Variants in RBFOX2 observed in about 807,000 individuals in gnomAD.
The protein encoded by RBFOX2 is RNA binding fox-1 homolog 2, also known as RNA binding protein fox-1 homolog 2.
In RBFOX2, 10 loss-of-function variants were observed where a neutral mutation model predicts 49.1. The observed-to-expected ratio is 0.20, with a 90% CI of 0.13 to 0.35. The LOEUF is 0.35. RBFOX2 is among the 10% of genes least tolerant of loss of function. The probability of loss-of-function intolerance (pLI) is 1.00; values close to 1 mark genes in which losing one functional copy is unlikely to be tolerated. For synonymous variants in RBFOX2, 183 were observed against 187.4 expected (o/e 0.98, Z 0.19); for missense variants, 323 against 486.9 (o/e 0.66, Z 3.17).
chr22:35,910,623 A>AGC (rs1488854822), intron 1 of RBFOX2, among the ~76,000 whole-genome samples: 2 of 152,226 alleles, frequency 1.3e-5, no homozygotes, highest in Non-Finnish European at 2.9e-5. Context: ...ATATCCAAGC[A>AGC]GCTTTACTGT....
intron 1 of RBFOX2, among the ~76,000 whole-genome samples, chr22:35,975,896 C>A (rs75368615): frequency 0.024 from 3,611 of 152,164 alleles, 152 homozygotes; most frequent in African/African-American, 0.082. Flanking sequence ...TGAGGAGATA[C>A]AAGAAGAATA....
intron 1 of RBFOX2, chr22:35,992,567 C>T (rs1376791444): frequency 6.6e-6 from 1 of 152,142 alleles, no homozygotes; most frequent in African/African-American, 2.4e-5. Context: ...TAACTGAATA[C>T]TTATTCTCTT....
At chr22:35,897,330 T>C (rs1468696076) in intron 1 of RBFOX2, 1 of 1,429,844 alleles carries the variant, frequency 7.0e-7, no homozygotes, top group African/African-American at 1.4e-5. Context: ...GTAAGTGTGA[T>C]GAAGCCGCAG....
chr22:36,012,431 A>G (rs2058855531), intron 1 of RBFOX2, among the ~76,000 whole-genome samples: 1 of 152,136 alleles, frequency 6.6e-6, no homozygotes, highest in South Asian at 2.1e-4. Context: ...GCACGAAAGC[A>G]TTTTATAAAC....
chr22:35,883,095 T>C (rs1186460333), intron 1 of RBFOX2, among the ~76,000 whole-genome samples: 1 of 152,138 alleles, frequency 6.6e-6, no homozygotes, highest in Non-Finnish European at 1.5e-5. Context: ...CTCCATGACT[T>C]TTGCCTTCAT....
chr22:35,839,500 G>A (rs1958344451), intron 1 of RBFOX2, among the ~76,000 whole-genome samples: 1 of 152,060 alleles, frequency 6.6e-6, no homozygotes, highest in Admixed American at 6.5e-5. Context: ...GACAGAGGGA[G>A]GAGAGGTATC....
intron 1 of RBFOX2, among the ~76,000 whole-genome samples, chr22:36,015,873 G>A (rs542473357): frequency 2.0e-5 from 3 of 152,264 alleles, no homozygotes; most frequent in South Asian, 4.1e-4. Context: ...AAGAAAAAGG[G>A]AGAAAACAAA....
upstream of RBFOX2, among the ~76,000 whole-genome samples, chr22:35,939,701 A>G (rs914670523): frequency 6.6e-6 from 1 of 152,208 alleles, no homozygotes; most frequent in Non-Finnish European, 1.5e-5. Flanking sequence ...CAAGGATGAT[A>G]GCTAATAAAA....
chr22:35,800,172 T>C (rs1488977122), intron 2 of RBFOX2, among the ~76,000 whole-genome samples: 1 of 152,166 alleles, frequency 6.6e-6, no homozygotes, highest in Admixed American at 6.5e-5. Flanking sequence ...CTACCTCTTA[T>C]CTTACTCATC....
At chr22:35,916,144 C>T (rs1056993429) in intron 1 of RBFOX2, among the ~76,000 whole-genome samples, 1 of 152,170 alleles carries the variant, frequency 6.6e-6, no homozygotes, top group Non-Finnish European at 1.5e-5. Flanking sequence ...ACATAGGCTT[C>T]GGTATCAAGC....
chr22:35,951,724 C>G (rs1476798978), intron 1 of RBFOX2, among the ~76,000 whole-genome samples: 2 of 152,114 alleles, frequency 1.3e-5, no homozygotes, highest in Non-Finnish European at 2.9e-5. Flanking sequence ...TCACTAAAAC[C>G]CTGTGATATA....
At chr22:35,793,109 C>T (rs958349422) in intron 2 of RBFOX2, among the ~76,000 whole-genome samples, 3 of 152,184 alleles carry the variant, frequency 2.0e-5, no homozygotes, top group Non-Finnish European at 4.4e-5. Context: ...CAATGGCTCA[C>T]GCCTGTAATC....
At chr22:35,984,215 G>A (rs2057596547) in intron 1 of RBFOX2, among the ~76,000 whole-genome samples, 1 of 152,096 alleles carries the variant, frequency 6.6e-6, no homozygotes, top group African/African-American at 2.4e-5. Flanking sequence ...CCTGATTCCT[G>A]GGTCCTGCCC....
chr22:35,840,867 T>C (rs1009554476), upstream of RBFOX2, among the ~76,000 whole-genome samples: 2 of 152,228 alleles, frequency 1.3e-5, no homozygotes, highest in African/African-American at 4.8e-5. Context: ...GTACAGTTTA[T>C]AGATGCAGTG....
intron 1 of RBFOX2, among the ~76,000 whole-genome samples, chr22:35,857,766 C>G (rs2042675114): frequency 6.6e-6 from 1 of 152,148 alleles, no homozygotes; most frequent in South Asian, 2.1e-4. Flanking sequence ...GAGACACAGA[C>G]AGATAGAAGG....
intron 1 of RBFOX2, among the ~76,000 whole-genome samples, chr22:35,979,615 G>C (rs1056311424): frequency 6.6e-6 from 1 of 152,136 alleles, no homozygotes; most frequent in African/African-American, 2.4e-5. Flanking sequence ...TTAACAACTG[G>C]GGAATCCGAG....
chr22:35,902,231 TC>T (rs2048677894), intron 1 of RBFOX2, among the ~76,000 whole-genome samples: 1 of 152,260 alleles, frequency 6.6e-6, no homozygotes, highest in East Asian at 1.9e-4. Context: ...AGTCCTCCCA[TC>T]CCAACCACTT....
At chr22:35,962,195 CCTG>C (rs1403639587), upstream of RBFOX2, among the ~76,000 whole-genome samples, 1 of 152,176 alleles carries the variant, frequency 6.6e-6, no homozygotes, top group Non-Finnish European at 1.5e-5. Flanking sequence ...ATGGAATTCT[CCTG>C]CTATTTCCTT....
At chr22:35,897,708 G>T in intron 1 of RBFOX2, 2 of 969,882 alleles carry the variant, frequency 2.1e-6, no homozygotes, top group Non-Finnish European at 3.4e-6. Context: ...CTGCCTTCCA[G>T]CCCAAGGAAA....
Sources: gnomAD v4.1 joint callset for allele counts (sites outside exome capture counted in the v4.1 genomes callset) on GRCh38, gnomAD v4.1.1 for gene constraint, MANE v1.5 for transcripts, NCBI Gene and HGNC (gene_info 2026-07-23, HGNC 2026-07-21) for gene names.